ANKRD44: variants seen among roughly 807,000 people sequenced by gnomAD.
The protein encoded by ANKRD44 is serine/threonine-protein phosphatase 6 regulatory ankyrin repeat subunit B.
ANKRD44 carries 35 observed loss-of-function variants against 116.0 expected under a neutral mutation model. The ratio of observed to expected loss-of-function variants is 0.30; its 90% CI spans 0.23 to 0.40. The LOEUF is 0.40. ANKRD44 is among the 10% of genes least tolerant of loss of function. ANKRD44 has a pLI of 1.00. For synonymous variants in ANKRD44, 435 were observed against 461.8 expected (o/e 0.94, Z 0.74); for missense variants, 1,014 against 1,242.6 (o/e 0.82, Z 2.77).
intron 2 of ANKRD44, among the ~76,000 whole-genome samples, chr2:197,178,400 G>A (rs2080420193): frequency 6.6e-6 from 1 of 151,850 alleles, no homozygotes; most frequent in Non-Finnish European, 1.5e-5. Flanking sequence ...GAGACCAGGA[G>A]TTCAAGGCTG....
At chr2:197,028,410 T>C (rs2076639079) in intron 16 of ANKRD44, among the ~76,000 whole-genome samples, 1 of 152,122 alleles carries the variant, frequency 6.6e-6, no homozygotes, top group East Asian at 1.9e-4. Context: ...CTTTGTATAG[T>C]GACACATCCA....
At chr2:197,149,310 C>G (rs1485950107) in intron 2 of ANKRD44, among the ~76,000 whole-genome samples, 1 of 152,154 alleles carries the variant, frequency 6.6e-6, no homozygotes, top group Non-Finnish European at 1.5e-5. Context: ...AAATAAAAAG[C>G]TAAGAAAACT....
At chr2:197,079,022 T>G (rs1034486797) in intron 15 of ANKRD44, among the ~76,000 whole-genome samples, 2 of 151,446 alleles carry the variant, frequency 1.3e-5, no homozygotes, top group African/African-American at 4.8e-5. Flanking sequence ...CTATCTTTAT[T>G]TGAGCTTAAT....
chr2:197,240,046 T>A (rs1365002142), intron 1 of ANKRD44, among the ~76,000 whole-genome samples: 1 of 152,032 alleles, frequency 6.6e-6, no homozygotes, highest in Non-Finnish European at 1.5e-5. Flanking sequence ...TGAATTAATG[T>A]TTATAGAAGA....
intron 16 of ANKRD44, among the ~76,000 whole-genome samples, chr2:197,039,954 C>A (rs144398150): frequency 2.0e-5 from 3 of 150,422 alleles, no homozygotes; most frequent in African/African-American, 4.9e-5. Context: ...CCAGGCCAGG[C>A]GCAGTGGCTC....
chr2:197,034,076 G>GAGAGAGAGAGAT (rs2076762238), intron 16 of ANKRD44, among the ~76,000 whole-genome samples: 1 of 151,912 alleles, frequency 6.6e-6, no homozygotes, highest in Non-Finnish European at 1.5e-5. Context: ...GAGAGAGAGA[G>GAGAGAGAGAGAT]AGAGAGAGAG....
intron 1 of ANKRD44, among the ~76,000 whole-genome samples, chr2:197,216,786 C>T (rs1332271142): frequency 1.3e-5 from 2 of 151,598 alleles, no homozygotes; most frequent in South Asian, 2.1e-4. Flanking sequence ...CAAGCATCAG[C>T]GTCCAGGAAG....
intron 2 of ANKRD44, among the ~76,000 whole-genome samples, chr2:197,185,136 G>T (rs2080622642): frequency 6.6e-6 from 1 of 152,242 alleles, no homozygotes; most frequent in Non-Finnish European, 1.5e-5. Flanking sequence ...ACTGGAAAGG[G>T]AGCTTGCTGG....
downstream of ANKRD44, among the ~76,000 whole-genome samples, chr2:196,983,077 G>A (rs1424556166): frequency 1.3e-5 from 2 of 152,098 alleles, no homozygotes; most frequent in Admixed American, 6.6e-5. Flanking sequence ...CCTAATGCAT[G>A]CGGGGCCTAA....
intron 16 of ANKRD44, among the ~76,000 whole-genome samples, chr2:197,053,419 C>A (rs896214675): frequency 2.6e-5 from 4 of 152,054 alleles, no homozygotes; most frequent in African/African-American, 9.7e-5. Context: ...TGAAATAGGG[C>A]AGTTATTTAT....
At chr2:197,038,777 T>A (rs1249310200) in intron 16 of ANKRD44, among the ~76,000 whole-genome samples, 1 of 152,174 alleles carries the variant, frequency 6.6e-6, no homozygotes, top group African/African-American at 2.4e-5. Context: ...GTGTTAAGAT[T>A]AACTCATACA....
intron 2 of ANKRD44, among the ~76,000 whole-genome samples, chr2:197,176,580 C>T (rs748556776): frequency 6.6e-6 from 1 of 152,146 alleles, no homozygotes; most frequent in African/African-American, 2.4e-5. Flanking sequence ...GACATAGCAG[C>T]TTGGCTGTAA....
intron 17 of ANKRD44, among the ~76,000 whole-genome samples, chr2:197,023,522 C>A (rs2076535819): frequency 1.3e-5 from 2 of 152,002 alleles, no homozygotes; most frequent in African/African-American, 4.8e-5. Flanking sequence ...CAGCCAGCAA[C>A]CCATAGAGTT....
intron 20 of ANKRD44, 62 bp downstream of exon 20, chr2:197,007,744 T>TA (rs2076225707): frequency 8.8e-7 from 1 of 1,130,494 alleles, no homozygotes. Flanking sequence ...AATTGTTTGC[T>TA]AAAAAAGAAA....
intron 16 of ANKRD44, among the ~76,000 whole-genome samples, chr2:197,034,079 A>AGAGAGAGAGAGAGAGAGC (rs1415423205): frequency 6.6e-6 from 1 of 151,638 alleles, no homozygotes; most frequent in African/African-American, 2.4e-5. Flanking sequence ...AGAGAGAGAG[A>AGAGAGAGAGAGAGAGAGC]GAGAGAGCTC....
At chr2:197,177,428 G>C (rs1181046735) in intron 2 of ANKRD44, among the ~76,000 whole-genome samples, 1 of 152,100 alleles carries the variant, frequency 6.6e-6, no homozygotes, top group Non-Finnish European at 1.5e-5. Flanking sequence ...GTAAAAGATG[G>C]GAGCGCCATT....
In ANKRD44 at chr2:197,310,643, G is replaced by A. The variant is rs1314809128; in HGVS notation, c.-39C>T. 2 of 1,334,568 alleles carry A rather than the reference G, an allele frequency of 1.5e-6. No individual in the cohort carries two copies. The highest frequency in any genetic ancestry group is 9.8e-7 in the Non-Finnish European group (1 of 1,018,842). The allele number at this position is 1,334,568 out of a possible 1,614,324, so 82.7% of individuals were successfully genotyped here. On this transcript the variant is annotated 5_prime_UTR_variant, in exon 1 of 28. Transcript: ENST00000282272. ...CGCGCGCACACACATGCAGGTCCCCGGCCCGCAGATGTCACGCCGGGAGCC... is the reference window on the plus strand; with the variant it reads ...CGCGCGCACACACATGCAGGTCCCCAGCCCGCAGATGTCACGCCGGGAGCC...
rs544672873 is a variant in ANKRD44, at chr2:197,062,326, T to C, written c.1650+16377A>G. ...CCTGGATGGGTCACCAAAGGTATTC[T>C]GATTGGTATGGCACTGGGTATTGAA... On this transcript the variant is annotated intron_variant, in intron 16 of 27. Transcript: ENST00000282272. Among the ~76,000 whole-genome samples the C allele has an allele frequency of 7.2e-5, 11 of 152,332 alleles. No individual in the cohort carries two copies. The Middle Eastern group carries it at 0.01, about 141-fold the overall frequency.
chr2:197,114,223 G>A (rs2078656209), intron 8 of ANKRD44, among the ~76,000 whole-genome samples: 1 of 152,164 alleles, frequency 6.6e-6, no homozygotes, highest in Non-Finnish European at 1.5e-5. Flanking sequence ...TCAAAAGAGA[G>A]AATATGTGCA....
Sources: gnomAD v4.1 joint callset for allele counts (sites outside exome capture counted in the v4.1 genomes callset) on GRCh38, gnomAD v4.1.1 for gene constraint, MANE v1.5 for transcripts, NCBI Gene and HGNC (gene_info 2026-07-23, HGNC 2026-07-21) for gene names.